The following MYEF2 variants were observed in gnomAD, a reference collection of about 807,000 sequenced individuals.
MYEF2 encodes myelin gene expression factor 2.
In MYEF2, 37 loss-of-function variants were observed where a neutral mutation model predicts 75.2. The ratio of observed to expected loss-of-function variants is 0.49; its 90% CI spans 0.38 to 0.65. The LOEUF (loss-of-function observed/expected upper bound fraction) is 0.65, where lower values mean the gene tolerates loss of function less well. MYEF2 is among the 30% of genes least tolerant of loss of function. The pLI is 0.00. For missense variants in MYEF2, 634 were observed against 771.4 expected (o/e 0.82, Z 2.11); for synonymous variants, 195 against 241.6 (o/e 0.81, Z 1.79).
chr15:48,164,419 G>T (rs1444810654), intron 5 of MYEF2, among the ~76,000 whole-genome samples: 2 of 151,544 alleles, frequency 1.3e-5, no homozygotes, highest in Non-Finnish European at 2.9e-5. Context: ...TATGAGCAAA[G>T]AAAGTCATTT....
intron 1 of MYEF2, among the ~76,000 whole-genome samples, chr15:48,174,668 C>T (rs1333285151): frequency 6.6e-6 from 1 of 152,030 alleles, no homozygotes; most frequent in African/African-American, 2.4e-5. Flanking sequence ...GACATACCAA[C>T]GGCCAAAAGG....
chr15:48,160,613 C>A (rs2039904182), intron 5 of MYEF2, among the ~76,000 whole-genome samples: 1 of 151,860 alleles, frequency 6.6e-6, no homozygotes, highest in South Asian at 2.1e-4. Context: ...GATAGACTAT[C>A]ATCTGCAATG....
Position 48,149,009 on chromosome 15 carries a change from T to G in MYEF2, c.1639+23A>C. ...TTCCTCCATAATCAATATCAACATA[T>G]CTGCAGTCATTTGCATACTTACCAC... is the stretch of plus-strand genomic sequence containing the variant. On this transcript the variant is annotated intron_variant, in intron 16 of 16. Coordinates refer to ENST00000324324, the MANE Select transcript of MYEF2 (RefSeq NM_016132.5). This position sits in a 1 kb window ranked among gnomAD's most constrained non-coding sequence, Gnocchi z 4.0. 4 of 1,611,018 alleles carry G rather than the reference T, an allele frequency of 2.5e-6. No individual in the cohort carries two copies. Among genetic ancestry groups the G allele is most frequent in the Non-Finnish European group, 3.4e-6 (4 of 1,177,662 alleles).
rs762714682 is a variant in MYEF2, at chr15:48,141,257, G to A, written c.*1651C>T. 12 of 1,416,016 alleles carry A rather than the reference G, an allele frequency of 8.5e-6. No homozygotes were observed. The highest frequency in any genetic ancestry group is 1.8e-4 in the Middle Eastern group (1 of 5,650). 87.7% of individuals were successfully genotyped at this position (1,416,016 alleles called of 1,614,324 possible). A position where few individuals can be genotyped will look rare whatever the true frequency, so the allele number is the denominator to read the frequency against. On this transcript the variant is annotated 3_prime_UTR_variant, in exon 17 of 17. Transcript: ENST00000324324. The stretch of plus-strand genomic sequence containing the variant: ...CAAGCTGCAATGGTCATTCTACAAG[G>A]CTAGAATGAGTAAAAGTAGCTTTAA...
intron 6 of MYEF2, 39 bp downstream of exon 6, chr15:48,159,574 T>C: frequency 6.4e-7 from 1 of 1,558,012 alleles, no homozygotes; most frequent in Non-Finnish European, 8.8e-7. Flanking sequence ...ATTAGCTATC[T>C]ATCTGAATGA....
At chr15:48,158,278 A>C in intron 7 of MYEF2, 54 bp from the exon 8 acceptor site, 1 of 1,509,022 alleles carries the variant, frequency 6.6e-7, no homozygotes, top group Non-Finnish European at 9.2e-7. Context: ...TTATAACAGA[A>C]CACAAACTAA....
intron 10 of MYEF2, 84 bp from the exon 11 acceptor site, chr15:48,152,368 A>T (rs958761534): frequency 1.7e-6 from 2 of 1,143,978 alleles, no homozygotes; most frequent in African/African-American, 3.1e-5. Flanking sequence ...AGCAAAATAG[A>T]TACCACTGGT....
In MYEF2 at chr15:48,134,947, G is replaced by C. The variant is rs1222023482; in HGVS notation, c.*7961C>G. ...TGCAGCGTACACAATTAGTGCAGCA[G>C]CAGTTCTTGGTATAATATATGACAA... is the stretch of plus-strand genomic sequence containing the variant. On this transcript the variant is annotated 3_prime_UTR_variant, in exon 17 of 17. Transcript: ENST00000324324. 2 of 1,612,216 alleles carry C rather than the reference G, an allele frequency of 1.2e-6. No individual in the cohort carries two copies. The highest frequency in any genetic ancestry group is 1.7e-6 in the Non-Finnish European group (2 of 1,178,792).
At chr15:48,176,641 C>G (rs1261822865) in intron 1 of MYEF2, among the ~76,000 whole-genome samples, 1 of 152,164 alleles carries the variant, frequency 6.6e-6, no homozygotes, top group Non-Finnish European at 1.5e-5. Context: ...CAAGGCTGCA[C>G]TTTTTGTTCA....
intron 1 of MYEF2, among the ~76,000 whole-genome samples, chr15:48,174,748 T>C (rs2040456892): frequency 6.6e-6 from 1 of 152,084 alleles, no homozygotes; most frequent in Admixed American, 6.5e-5. Flanking sequence ...GCAATATCAC[T>C]TCATACCTGT....
chr15:48,151,080 C>G lies in MYEF2; in HGVS notation c.1378+20G>C, dbSNP rs751644115. On this transcript the variant is annotated intron_variant, in intron 14 of 16. Coordinates refer to ENST00000324324, the MANE Select transcript of MYEF2 (RefSeq NM_016132.5). ...GCACTCAAATATTACTGAATAAATT[C>G]TAGTAAAATTTAAACCTACTTATTC... 6.5e-7 allele frequency: 1 copy of G among 1,539,430 alleles called. No individual in the cohort carries two copies. The highest frequency in any genetic ancestry group is 2.3e-5 in the East Asian group (1 of 44,034).
chr15:48,163,073 C>A (rs1364039708), intron 5 of MYEF2, among the ~76,000 whole-genome samples: 1 of 152,126 alleles, frequency 6.6e-6, no homozygotes, highest in African/African-American at 2.4e-5. Context: ...GGGCCTCTTG[C>A]ATCGAAGTTC....
At chr15:48,162,217 C>G (rs1366664838) in intron 5 of MYEF2, among the ~76,000 whole-genome samples, 2 of 152,074 alleles carry the variant, frequency 1.3e-5, no homozygotes, top group Non-Finnish European at 2.9e-5. Context: ...GAACAAAAGA[C>G]TCTTGGACAG....
In MYEF2 at chr15:48,159,544, T is replaced by A. The variant is rs1254208440; in HGVS notation, c.717+69A>T. On this transcript the variant is annotated intron_variant, in intron 6 of 16. Coordinates refer to ENST00000324324, the MANE Select transcript of MYEF2 (RefSeq NM_016132.5). ...ATAAGCAAAATGTTCTATAAACCTATAACTCATTCATTTAATCAAATTAGC... is the reference window on the plus strand; with the variant it reads ...ATAAGCAAAATGTTCTATAAACCTAAAACTCATTCATTTAATCAAATTAGC... 3.6e-6 allele frequency: 5 copies of A among 1,371,852 alleles called. No individual in the cohort carries two copies. The African/African-American group carries it at 5.8e-5, about 16-fold the overall frequency. 85.0% of individuals were successfully genotyped at this position (1,371,852 alleles called of 1,614,324 possible).
In MYEF2 at chr15:48,137,000, G is replaced by T. The variant is rs775812510; in HGVS notation, c.*5908C>A. The T allele has an allele frequency of 6.4e-7, 1 of 1,553,930 alleles. No individual in the cohort carries two copies. The highest frequency in any genetic ancestry group is 1.4e-5 in the African/African-American group (1 of 72,606). On this transcript the variant is annotated 3_prime_UTR_variant, in exon 17 of 17. Coordinates refer to ENST00000324324, the MANE Select transcript of MYEF2 (RefSeq NM_016132.5). ...ATCTTGCCCATTATTAAGTCTATTC[G>T]CAAAGGAAAAACTTTAAAATTTCAT...
intron 1 of MYEF2, among the ~76,000 whole-genome samples, chr15:48,173,494 G>C (rs973944232): frequency 5.3e-5 from 8 of 152,136 alleles, no homozygotes; most frequent in African/African-American, 1.9e-4. Flanking sequence ...GTCACAGCCA[G>C]AGCAATTAGG....
rs374751159 is a variant in MYEF2 at position 48,158,425 on chromosome 15, T to C, written c.872-201A>G. ...GGTTTTATTTCATCAATAAGATGTA[T>C]TTTTAATTCAACCATTGAAAAAAGT... On this transcript the variant is annotated intron_variant, in intron 7 of 16. Coordinates refer to ENST00000324324, the MANE Select transcript of MYEF2 (RefSeq NM_016132.5). Among the ~76,000 whole-genome samples the C allele has an allele frequency of 1.4e-4, 22 of 152,324 alleles. No homozygotes were observed. The South Asian group carries it at 3.7e-3, about 26-fold the overall frequency.
chr15:48,161,766 T>C (rs1031461114), intron 5 of MYEF2, among the ~76,000 whole-genome samples: 2 of 150,628 alleles, frequency 1.3e-5, no homozygotes, highest in Non-Finnish European at 3.0e-5. Flanking sequence ...CTGTAGTACA[T>C]GTCCTTTGAA....
chr15:48,167,937 C>T (rs538697363), intron 2 of MYEF2, among the ~76,000 whole-genome samples: 1 of 151,490 alleles, frequency 6.6e-6, no homozygotes, highest in South Asian at 2.1e-4. Context: ...TACACCAATG[C>T]AATTTAAAAA....
Sources: gnomAD v4.1 joint callset for allele counts (sites outside exome capture counted in the v4.1 genomes callset) on GRCh38, gnomAD v4.1.1 for gene constraint, Gnocchi (gnomAD v3.1) non-coding constraint, MANE v1.5 for transcripts, NCBI Gene and HGNC (gene_info 2026-07-23, HGNC 2026-07-21) for gene names.